The following PEBP4 variants were observed in gnomAD, a reference collection of about 807,000 sequenced individuals.
PEBP4 encodes phosphatidylethanolamine-binding protein 4.
Under a neutral mutation model 23.9 loss-of-function variants are expected in PEBP4, and 22 were observed. The observed-to-expected ratio is 0.92, with a 90% CI of 0.66 to 1.31. The LOEUF (loss-of-function observed/expected upper bound fraction) is 1.31. PEBP4 is among the 40% of genes most tolerant of loss of function. The pLI is 0.00. For synonymous variants in PEBP4, 112 were observed against 99.3 expected (o/e 1.13, Z -0.76); for missense variants, 324 against 281.7 (o/e 1.15, Z -1.07).
chr8:22,815,252 C>G (rs1042395548), intron 4 of PEBP4: 1 of 152,204 alleles, frequency 6.6e-6, no homozygotes, highest in Non-Finnish European at 1.5e-5. Flanking sequence ...GCTCTATGGT[C>G]TTCCTTCAAT....
chr8:22,829,896 C>T (rs1280321814), intron 3 of PEBP4, among the ~76,000 whole-genome samples: 6 of 152,208 alleles, frequency 3.9e-5, no homozygotes, highest in Non-Finnish European at 8.8e-5. Flanking sequence ...CTGCCCCCAT[C>T]GCTTCTGCTG....
intron 4 of PEBP4, among the ~76,000 whole-genome samples, chr8:22,742,967 G>A (rs1278514383): frequency 1.3e-5 from 2 of 152,208 alleles, no homozygotes; most frequent in Admixed American, 6.5e-5. Context: ...AGAGCCTTGG[G>A]GGAACAGGGA....
At chr8:22,924,526 C>T (rs1257170735) in intron 2 of PEBP4, 1 of 363,310 alleles carries the variant, frequency 2.8e-6, no homozygotes, top group African/African-American at 2.2e-5. Flanking sequence ...AGAAACTAGA[C>T]TAGTTTGTGC....
chr8:22,913,746 C>A (rs73216829), intron 3 of PEBP4, among the ~76,000 whole-genome samples: 3 of 152,210 alleles, frequency 2.0e-5, no homozygotes, highest in Non-Finnish European at 2.9e-5. Context: ...CATTTCCAGT[C>A]GACCCCTCAA....
intron 4 of PEBP4, among the ~76,000 whole-genome samples, chr8:22,788,933 T>C (rs991707980): frequency 6.6e-6 from 1 of 152,210 alleles, no homozygotes; most frequent in South Asian, 2.1e-4. Context: ...TAAATTATAG[T>C]ACATCCATAT....
At chr8:22,758,296 T>A (rs1805433729) in intron 4 of PEBP4, 1 of 152,238 alleles carries the variant, frequency 6.6e-6, no homozygotes, top group African/African-American at 2.4e-5. Flanking sequence ...TGCCTGGTAC[T>A]GAATGTTCCT....
chr8:22,748,319 C>G (rs566996215), intron 4 of PEBP4, among the ~76,000 whole-genome samples: 2 of 152,010 alleles, frequency 1.3e-5, no homozygotes, highest in African/African-American at 4.8e-5. Flanking sequence ...GCCCATCAGT[C>G]CGTATTGATG....
At chr8:22,784,858 C>T (rs918439144) in intron 4 of PEBP4, among the ~76,000 whole-genome samples, 2 of 152,212 alleles carry the variant, frequency 1.3e-5, no homozygotes, top group African/African-American at 2.4e-5. Context: ...GGTTACATAA[C>T]CCTCTGTCAA....
intron 4 of PEBP4, among the ~76,000 whole-genome samples, chr8:22,792,650 T>A (rs1806162537): frequency 6.6e-6 from 1 of 152,086 alleles, no homozygotes. Context: ...AATTTCGTTC[T>A]AAGTATACGT....
chr8:22,831,599 G>A (rs1321655571), intron 3 of PEBP4, among the ~76,000 whole-genome samples: 1 of 152,120 alleles, frequency 6.6e-6, no homozygotes, highest in African/African-American at 2.4e-5. Context: ...AGCCTACAGG[G>A]GGAGTTGGAT....
intron 3 of PEBP4, chr8:22,896,260 C>G (rs955368850): frequency 6.6e-6 from 1 of 152,204 alleles, no homozygotes; most frequent in South Asian, 2.1e-4. Flanking sequence ...ACATAGGCCA[C>G]GGTAATACTA....
Position 22,772,462 on chromosome 8 carries a change from G to A in PEBP4, c.357+45175C>T, listed in dbSNP as rs151274378. On this transcript the variant is annotated intron_variant, in intron 4 of 6. Transcript: ENST00000256404. ...AATTAAATCCTCACAACAACCTTGT[G>A]GGGCAGGGCAGGTATTCTCTCTCTC... Among the ~76,000 whole-genome samples the A allele has an allele frequency of 8.4e-3, 1,266 of 150,504 alleles. 8 individuals are homozygous for A. Among genetic ancestry groups the A allele is most frequent in the Middle Eastern group, 0.018 (5 of 284 alleles).
chr8:22,936,334 T>A (rs1247091138), intron 1 of PEBP4, among the ~76,000 whole-genome samples: 1 of 152,100 alleles, frequency 6.6e-6, no homozygotes, highest in Non-Finnish European at 1.5e-5. Flanking sequence ...TTGTTGGTTA[T>A]GTAATAAATT....
chr8:22,762,944 C>A (rs1463120798), intron 4 of PEBP4, among the ~76,000 whole-genome samples: 1 of 152,138 alleles, frequency 6.6e-6, no homozygotes, highest in Admixed American at 6.5e-5. Flanking sequence ...ACTCTTCCTA[C>A]ACAAGAACGA....
chr8:22,770,479 G>A (rs143629749), intron 4 of PEBP4, among the ~76,000 whole-genome samples: 2 of 152,304 alleles, frequency 1.3e-5, no homozygotes, highest in East Asian at 1.9e-4. Flanking sequence ...CTCCCACTGC[G>A]CATCCTTGGA....
rs1380696053 is a variant in PEBP4, at chr8:22,775,622, G to A, written c.357+42015C>T. On this transcript the variant is annotated intron_variant, in intron 4 of 6. Transcript: ENST00000256404. This position sits in a 1 kb window ranked among gnomAD's most constrained non-coding sequence, Gnocchi z 4.8. ...ATGCAGCCTATTTGTCTGTGTGTGG[G>A]AGAGGGTTTGCTGGGAAGGAGGGGG... 6.6e-6 allele frequency among the ~76,000 whole-genome samples: 1 copy of A among 152,192 alleles called. No individual in the cohort carries two copies. Among genetic ancestry groups the A allele is most frequent in the Non-Finnish European group, 1.5e-5 (1 of 68,034 alleles).
chr8:22,747,430 G>C (rs1277480037), intron 4 of PEBP4: 1 of 152,182 alleles, frequency 6.6e-6, no homozygotes, highest in African/African-American at 2.4e-5. Context: ...GGGTGACCTT[G>C]GGCAAGTCAC....
chr8:22,839,043 T>C (rs906333634), intron 3 of PEBP4, among the ~76,000 whole-genome samples: 1 of 152,112 alleles, frequency 6.6e-6, no homozygotes, highest in South Asian at 2.1e-4. Context: ...ATAGTGCTTT[T>C]ATGAGAAAAA....
intron 1 of PEBP4, among the ~76,000 whole-genome samples, chr8:22,934,596 G>A (rs181439622): frequency 4.9e-4 from 74 of 152,284 alleles, no homozygotes; most frequent in African/African-American, 1.8e-3. Flanking sequence ...CAGCTGCTTG[G>A]GAGGCTGAGG....
Sources: allele counts gnomAD v4.1 joint callset (sites outside exome capture counted in the v4.1 genomes callset), GRCh38; gene constraint gnomAD v4.1.1; non-coding constraint Gnocchi (gnomAD v3.1); transcripts MANE v1.5; gene names NCBI Gene and HGNC (gene_info 2026-07-23, HGNC 2026-07-21).